The following IFRD1 variants were observed in gnomAD, a reference collection of about 807,000 sequenced individuals.
The protein encoded by IFRD1 is interferon-related developmental regulator 1.
Under a neutral mutation model 52.9 loss-of-function variants are expected in IFRD1, and 35 were observed. The ratio of observed to expected loss-of-function variants is 0.66; its 90% CI spans 0.51 to 0.88. The LOEUF is 0.88. IFRD1 is among the 40% of genes least tolerant of loss of function. The pLI is 0.00. For missense variants in IFRD1, 517 were observed against 550.8 expected (o/e 0.94, Z 0.61); for synonymous variants, 184 against 188.4 (o/e 0.98, Z 0.19).
intron 1 of IFRD1, among the ~76,000 whole-genome samples, chr7:112,429,174 GTTT>G (rs911745306): frequency 2.0e-5 from 3 of 152,108 alleles, no homozygotes; most frequent in African/African-American, 7.2e-5. Context: ...TTCTTGCTTT[GTTT>G]TTATCCCAAT....
At chr7:112,461,655 T>C (rs1397023306) in intron 5 of IFRD1, 1 of 335,978 alleles carries the variant, frequency 3.0e-6, no homozygotes, top group East Asian at 4.6e-5. Context: ...AGTCATGCTG[T>C]GAATTTAGTA....
chr7:112,461,766 T>A (rs769696189), intron 5 of IFRD1, 100 bp from the exon 6 acceptor site: 25 of 669,784 alleles, frequency 3.7e-5, no homozygotes, highest in Non-Finnish European at 6.3e-5. Flanking sequence ...TATATTATGC[T>A]GCTGAGAACA....
At chr7:112,460,229 G>T (rs1795400658) in intron 5 of IFRD1, among the ~76,000 whole-genome samples, 1 of 149,390 alleles carries the variant, frequency 6.7e-6, no homozygotes, top group Non-Finnish European at 1.5e-5. Flanking sequence ...ATTAAATTGA[G>T]GCAGTCCTAG....
chr7:112,469,003 C>A (rs1442998182), intron 9 of IFRD1, among the ~76,000 whole-genome samples: 1 of 152,190 alleles, frequency 6.6e-6, no homozygotes, highest in Non-Finnish European at 1.5e-5. Context: ...CTGGAGAAAA[C>A]TGAAAACTTT....
intron 8 of IFRD1, among the ~76,000 whole-genome samples, chr7:112,466,745 T>C (rs1426550071): frequency 2.0e-5 from 3 of 152,342 alleles, no homozygotes; most frequent in South Asian, 2.1e-4. Flanking sequence ...TACACACATA[T>C]ATATGTTTAA....
chr7:112,448,587 C>T (rs147578033), upstream of IFRD1, among the ~76,000 whole-genome samples: 230 of 152,308 alleles, frequency 1.5e-3, 2 homozygotes, highest in Middle Eastern at 0.024. Context: ...CTTCCTCCCC[C>T]ACAACCTGCC....
At chr7:112,451,482 G>C (rs576547413) in intron 1 of IFRD1, among the ~76,000 whole-genome samples, 1 of 152,178 alleles carries the variant, frequency 6.6e-6, no homozygotes, top group African/African-American at 2.4e-5. Flanking sequence ...GAAGAAACGC[G>C]TTCTCCTTTG....
Position 112,455,879 on chromosome 7 carries a change from A to G in IFRD1, c.199+12A>G. 6.3e-7 allele frequency: 1 copy of G among 1,579,878 alleles called. No homozygotes were observed. The highest frequency in any genetic ancestry group is 8.7e-7 in the Non-Finnish European group (1 of 1,148,840). ...TTTTGCTGAAGATGGTATGAGTTTTAAATTTAAATTTGCAACTTTAGATAA... is the reference window on the plus strand; with the variant it reads ...TTTTGCTGAAGATGGTATGAGTTTTGAATTTAAATTTGCAACTTTAGATAA... On this transcript the variant is annotated intron_variant, in intron 2 of 11. Coordinates refer to ENST00000403825, the MANE Select transcript of IFRD1 (RefSeq NM_001550.4).
In IFRD1 at chr7:112,473,029, C is replaced by CGTGTGTGT. The variant is rs74273594; in HGVS notation, c.1266+199_1266+206dup. ...CAGAAAGCATTTAGAGTGTGGGGGG[C>CGTGTGTGT]GTGTGTGTGTGTGTGTGTGTGTGTG... On this transcript the variant is annotated intron_variant, in intron 11 of 11. Coordinates refer to ENST00000403825, the MANE Select transcript of IFRD1 (RefSeq NM_001550.4). Among the ~76,000 whole-genome samples the CGTGTGTGT allele has an allele frequency of 1.8e-3, 209 of 115,244 alleles. 1 individual carries two copies. Among genetic ancestry groups the CGTGTGTGT allele is most frequent in the African/African-American group, 5.8e-3 (184 of 31,674 alleles). The allele number at this position is 115,244 out of a possible 152,430, so 75.6% of individuals were successfully genotyped here.
intron 1 of IFRD1, among the ~76,000 whole-genome samples, chr7:112,431,117 G>A (rs957295129): frequency 1.4e-4 from 21 of 152,148 alleles, no homozygotes; most frequent in African/African-American, 5.1e-4. Context: ...ATCCTGTTGT[G>A]GCCAGAAAGC....
At chr7:112,457,279 C>CT in intron 4 of IFRD1, 1 of 586,258 alleles carries the variant, frequency 1.7e-6, no homozygotes, top group Non-Finnish European at 3.0e-6. Flanking sequence ...TGTCATCAAC[C>CT]TTTTTTGTAT....
intron 11 of IFRD1, among the ~76,000 whole-genome samples, 175 bp from the exon 12 acceptor site, chr7:112,475,255 G>A (rs1445204624): frequency 6.6e-6 from 1 of 152,096 alleles, no homozygotes; most frequent in African/African-American, 2.4e-5. Context: ...ACCTTGCATG[G>A]CCCCTGTTAA....
intron 8 of IFRD1, among the ~76,000 whole-genome samples, chr7:112,464,054 A>ATTTTTTTTTTTTTTTTTTTTTTT (rs1563269866): frequency 7.3e-6 from 1 of 136,888 alleles, no homozygotes; most frequent in Non-Finnish European, 1.6e-5. Context: ...TTTTTTTTTT[A>ATTTTTTTTTTTTTTTTTTTTTTT]AAATAAGCTT....
chr7:112,430,645 T>C (rs1489151236), intron 1 of IFRD1, among the ~76,000 whole-genome samples: 1 of 152,206 alleles, frequency 6.6e-6, no homozygotes, highest in Non-Finnish European at 1.5e-5. Context: ...TAAACCTTCG[T>C]GAGCCCATGT....
chr7:112,457,041 A>G lies in IFRD1; in HGVS notation c.409+3A>G. ...CATTGAACGCTGCCTGAAAAAAGGT[A>G]ATGCCCTTATTTTTGAGTCACAGAC... On this transcript the variant is annotated splice_donor_region_variant and intron_variant, in intron 4 of 11. Coordinates refer to ENST00000403825, the MANE Select transcript of IFRD1 (RefSeq NM_001550.4). 1 of 1,613,710 alleles carries G rather than the reference A, an allele frequency of 6.2e-7. No homozygotes were observed. Among genetic ancestry groups the G allele is most frequent in the Non-Finnish European group, 8.5e-7 (1 of 1,179,776 alleles).
chr7:112,435,655 T>TGTGTGTGC (rs775779479), intron 1 of IFRD1: 4 of 149,252 alleles, frequency 2.7e-5, no homozygotes, highest in South Asian at 4.2e-4. Context: ...TGTGTGTGTG[T>TGTGTGTGC]GCGTGCTTGT....
At position 112,462,294 on chromosome 7, in the gene IFRD1, C is replaced by T. The variant is rs1268015668; in HGVS notation, c.822C>T (p.Leu274=). 2 of 1,613,582 alleles carry T rather than the reference C, an allele frequency of 1.2e-6. No individual in the cohort carries two copies. Among genetic ancestry groups the T allele is most frequent in the African/African-American group, 1.3e-5 (1 of 74,894 alleles). Residue 274 remains leucine, a synonymous_variant, in exon 8 of 12, where the codon CTC becomes CTT. Coordinates refer to ENST00000403825, the MANE Select transcript of IFRD1 (RefSeq NM_001550.4). ...GGCATTTCCATAAGCTTCCAAGCCT[C>T]CTCTCTTGTGATGATGTAAACATGA... ...LEMHFHKLPS[L]LSCDDVNMRI... is the part of the protein sequence containing the mutation.
intron 1 of IFRD1, among the ~76,000 whole-genome samples, chr7:112,452,753 C>G (rs1795196662): frequency 6.6e-6 from 1 of 152,194 alleles, no homozygotes; most frequent in Non-Finnish European, 1.5e-5. Flanking sequence ...CTTTCATCAG[C>G]TTTATTGCTG....
rs1161608952 is a variant in IFRD1 at position 112,472,351 on chromosome 7, A to T, written c.1170+4A>T. The T allele has an allele frequency of 6.2e-7, 1 of 1,613,976 alleles. No individual in the cohort carries two copies. On this transcript the variant is annotated splice_donor_region_variant and intron_variant, in intron 10 of 11. Coordinates refer to ENST00000403825, the MANE Select transcript of IFRD1 (RefSeq NM_001550.4). ...AGGGATGCAGTACCACTTGCAGGTA[A>T]GTGTCATCCTTTCTACATATTTGCT... is the stretch of plus-strand genomic sequence containing the variant.
Sources: gnomAD v4.1 joint callset for allele counts (sites outside exome capture counted in the v4.1 genomes callset) on GRCh38, gnomAD v4.1.1 for gene constraint, MANE v1.5 for transcripts, NCBI Gene and HGNC (gene_info 2026-07-23, HGNC 2026-07-21) for gene names.